The following LARP4 variants were observed in gnomAD, a reference collection of about 807,000 sequenced individuals.
LARP4 encodes the protein la-related protein 4.
A neutral mutation model predicts 92.9 loss-of-function variants in LARP4; 29 were observed. That is an observed-to-expected ratio of 0.31 (90% confidence interval 0.23 to 0.43). LARP4 has a LOEUF of 0.43. Among genes scored for constraint, LARP4 ranks in the 20% least tolerant of loss-of-function variants. LARP4 has a pLI of 1.00. For missense variants in LARP4, 732 were observed against 860.0 expected (o/e 0.85, Z 1.86); for synonymous variants, 279 against 284.1 (o/e 0.98, Z 0.18).
chr12:50,412,739 T>C (rs955595352), intron 1 of LARP4, among the ~76,000 whole-genome samples: 1 of 152,212 alleles, frequency 6.6e-6, no homozygotes, highest in Non-Finnish European at 1.5e-5. Flanking sequence ...GTTTTACAGA[T>C]AGTTTAGATC....
chr12:50,426,730 TG>T (rs1205815086), intron 1 of LARP4, among the ~76,000 whole-genome samples: 6 of 88,978 alleles, frequency 6.7e-5, no homozygotes, highest in African/African-American at 2.4e-4. Context: ...TGTGTGTGTG[TG>T]GTTTTTTTTT....
chr12:50,468,925 G>A (rs562763075), intron 13 of LARP4, among the ~76,000 whole-genome samples: 9 of 151,798 alleles, frequency 5.9e-5, no homozygotes, highest in African/African-American at 1.9e-4. Context: ...GTGCACTCTC[G>A]GTGTCCTACT....
At chr12:50,401,139 C>T in intron 1 of LARP4, 111 bp downstream of exon 1, 2 of 1,244,980 alleles carry the variant, frequency 1.6e-6, no homozygotes, top group Non-Finnish European at 2.4e-6. Context: ...GCGGAACCGG[C>T]AGATAGGCTG....
At chr12:50,473,368 T>G in intron 13 of LARP4, 47 bp from the exon 14 acceptor site, 1 of 1,461,776 alleles carries the variant, frequency 6.8e-7, no homozygotes, top group Non-Finnish European at 9.5e-7. Flanking sequence ...TATATCTTCT[T>G]TGGAAAAAGG....
intron 4 of LARP4, among the ~76,000 whole-genome samples, chr12:50,433,743 G>A (rs1593045239): frequency 6.6e-6 from 1 of 151,526 alleles, no homozygotes; most frequent in Admixed American, 6.6e-5. Context: ...GGGTTCAAGC[G>A]ATTCTTCTGA....
intron 4 of LARP4, among the ~76,000 whole-genome samples, chr12:50,433,526 A>T (rs946313771): frequency 1.3e-5 from 2 of 152,146 alleles, no homozygotes; most frequent in African/African-American, 4.8e-5. Flanking sequence ...CTAAGAGTTG[A>T]ATCACTGTTT....
In LARP4 at chr12:50,458,270, GTTTGTTTGTTTTTGTTT is replaced by G. The variant is rs1477757916; in HGVS notation, c.1122-2849_1122-2833del. Among the ~76,000 whole-genome samples, 5 of 151,830 alleles carry G rather than the reference GTTTGTTTGTTTTTGTTT, an allele frequency of 3.3e-5. No individual in the cohort carries two copies. In the East Asian group the frequency reaches 7.7e-4, roughly 23 times the overall value. ...GCCTGATAATTTTATCTTTGTTTTT[GTTTGTTTGTTTTTGTTT>G]TTTGTTTGTTTTTGTATTTTTAGTT... On this transcript the variant is annotated intron_variant, in intron 10 of 15. Transcript: ENST00000398473.
intron 8 of LARP4, among the ~76,000 whole-genome samples, chr12:50,452,601 G>GT (rs977321522): frequency 1.8e-4 from 28 of 151,692 alleles, no homozygotes; most frequent in Admixed American, 7.2e-4. Flanking sequence ...ACTTCCTGTT[G>GT]TTTTTTTTGC....
chr12:50,418,593 A>C (rs1345637756), intron 1 of LARP4, among the ~76,000 whole-genome samples: 1 of 151,826 alleles, frequency 6.6e-6, no homozygotes, highest in Admixed American at 6.6e-5. Context: ...CTAATTTTTT[A>C]AGTATTTTGT....
At chr12:50,404,978 A>C (rs894998365) in intron 1 of LARP4, among the ~76,000 whole-genome samples, 3 of 146,416 alleles carry the variant, frequency 2.0e-5, no homozygotes, top group Non-Finnish European at 4.5e-5. Context: ...GTGAGCCACC[A>C]CACCTGGCGG....
intron 1 of LARP4, among the ~76,000 whole-genome samples, chr12:50,422,058 C>T (rs1352426146): frequency 6.6e-6 from 1 of 151,900 alleles, no homozygotes; most frequent in Non-Finnish European, 1.5e-5. Flanking sequence ...CAACCTCTGC[C>T]TCCCAGGTTC....
intron 10 of LARP4, among the ~76,000 whole-genome samples, chr12:50,458,994 G>A (rs1031544678): frequency 2.0e-5 from 3 of 152,014 alleles, no homozygotes; most frequent in African/African-American, 7.2e-5. Context: ...TAAGATGCTA[G>A]GTTTTGTTTG....
chr12:50,439,225 C>T (rs1950859584), intron 6 of LARP4, among the ~76,000 whole-genome samples: 1 of 152,178 alleles, frequency 6.6e-6, no homozygotes, highest in South Asian at 2.1e-4. Context: ...AGGCGTGAGC[C>T]ACTGTGCCCC....
rs1957745413 is a variant in LARP4 at position 50,479,462 on chromosome 12, T to C, written c.*3598T>C. 6.6e-6 allele frequency: 1 copy of C among 152,154 alleles called. No individual in the cohort carries two copies. The allele number at this position is 152,154 out of a possible 1,614,324, so 9.4% of individuals were successfully genotyped here. A position where few individuals can be genotyped will look rare whatever the true frequency, so the allele number is the denominator to read the frequency against. ...TTTTGGGCATATGCTAGTCTGAGCT[T>C]CCGAAAAGATACATATATGTTTCCC... On this transcript the variant is annotated 3_prime_UTR_variant, in exon 16 of 16. Transcript: ENST00000398473.
intron 13 of LARP4, among the ~76,000 whole-genome samples, chr12:50,467,880 A>T (rs1393979897): frequency 1.3e-5 from 2 of 151,676 alleles, no homozygotes; most frequent in African/African-American, 4.8e-5. Flanking sequence ...TTATAACAGT[A>T]CATGTCTATA....
chr12:50,469,232 AGTT>A (rs1329918386), intron 13 of LARP4, among the ~76,000 whole-genome samples: 1 of 152,146 alleles, frequency 6.6e-6, no homozygotes, highest in Non-Finnish European at 1.5e-5. Flanking sequence ...GACACGTAGT[AGTT>A]ATTTCATAAG....
intron 1 of LARP4, among the ~76,000 whole-genome samples, chr12:50,418,861 G>C (rs908543585): frequency 6.6e-6 from 1 of 152,114 alleles, no homozygotes; most frequent in Non-Finnish European, 1.5e-5. Context: ...TGGAACTACA[G>C]ATGTGTACCA....
At chr12:50,401,547 C>T (rs1943852048) in intron 1 of LARP4, among the ~76,000 whole-genome samples, 1 of 152,196 alleles carries the variant, frequency 6.6e-6, no homozygotes, top group Admixed American at 6.5e-5. Flanking sequence ...GCCCGGGCCC[C>T]GTCCCTAGGT....
intron 13 of LARP4, among the ~76,000 whole-genome samples, chr12:50,469,057 T>C (rs936091649): frequency 9.9e-5 from 15 of 152,176 alleles, no homozygotes; most frequent in African/African-American, 3.4e-4. Context: ...GTGGTTCATA[T>C]CTTCCATGGT....
Sources: allele counts gnomAD v4.1 joint callset (sites outside exome capture counted in the v4.1 genomes callset), GRCh38; gene constraint gnomAD v4.1.1; transcripts MANE v1.5; gene names NCBI Gene and HGNC (gene_info 2026-07-23, HGNC 2026-07-21).